IL17RA: variants seen among roughly 807,000 people sequenced by gnomAD.
IL17RA encodes the protein interleukin 17 receptor A.
IL17RA carries 34 observed loss-of-function variants against 50.4 expected under a neutral mutation model. That is an observed-to-expected ratio of 0.67 (90% CI 0.51 to 0.90). The LOEUF is 0.90. IL17RA is among the 40% of genes least tolerant of loss of function. IL17RA has a pLI of 0.00. For synonymous variants in IL17RA, 585 were observed against 510.4 expected (o/e 1.15, Z -1.97); for missense variants, 1,276 against 1,169.8 (o/e 1.09, Z -1.32).
chr22:17,091,387 A>T (rs1351550480), intron 1 of IL17RA, among the ~76,000 whole-genome samples: 1 of 152,186 alleles, frequency 6.6e-6, no homozygotes, highest in African/African-American at 2.4e-5. Flanking sequence ...AAGAAAGTCA[A>T]TGTTATTGGC....
chr22:17,109,196 G>A lies in IL17RA; in HGVS notation c.1977G>A (p.Gln659=). Reference sequence around the variant, plus strand: ...AACCTCACCTGCAGCCCCGGGGTCAGCCAGCGCCGCAGCCCCTCCACACCC... The same window carrying A: ...AACCTCACCTGCAGCCCCGGGGTCAACCAGCGCCGCAGCCCCTCCACACCC... The part of the protein sequence containing the change: ...KLEPHLQPRG[Q]PAPQPLHTLV... Residue 659 remains glutamine (Q), a synonymous_variant, in exon 13 of 13, where the codon CAG becomes CAA. Transcript: ENST00000319363. 1.3e-6 allele frequency: 2 copies of A among 1,512,652 alleles called. No homozygotes were observed. The highest frequency in any genetic ancestry group is 4.0e-5 in the Admixed American group (2 of 49,560). 93.7% of individuals were successfully genotyped at this position (1,512,652 alleles called of 1,614,324 possible).
chr22:17,109,068 AT>A lies in IL17RA; in HGVS notation c.1850del (p.Ile617ThrfsTer2). On this transcript the variant is annotated frameshift_variant, in exon 13 of 13. Transcript: ENST00000319363. LOFTEE classifies it low-confidence loss of function (END_TRUNC). ...EEPLLPPGTG[I>X]VKRAPLVREP... ...GCCACTGCTGCCTCCGGGAACCGGCATCGTGAAGCGGGCGCCCCTGGTGCGC... is the reference window on the plus strand; with the variant it reads ...GCCACTGCTGCCTCCGGGAACCGGCACGTGAAGCGGGCGCCCCTGGTGCGC... 1 of 1,584,054 alleles carries A rather than the reference AT, an allele frequency of 6.3e-7. No individual in the cohort carries two copies. The highest frequency in any genetic ancestry group is 8.5e-7 in the Non-Finnish European group (1 of 1,173,456).
At chr22:17,096,203 A>G (rs901020597) in intron 1 of IL17RA, among the ~76,000 whole-genome samples, 1 of 152,200 alleles carries the variant, frequency 6.6e-6, no homozygotes, top group Non-Finnish European at 1.5e-5. Context: ...AAATTTGGCC[A>G]TCAGGATTTC....
Position 17,111,059 on chromosome 22 carries a change from CAGTG to C in IL17RA, c.*1242_*1245del, listed in dbSNP as rs1477092369. ...GGAGCCTGGAGGGGAAGGAGGGAGG[CAGTG>C]AGAGAGATCGGGGTGGGGGGTGGGG... On this transcript the variant is annotated 3_prime_UTR_variant, in exon 13 of 13. Transcript: ENST00000319363. 1 of 114,564 alleles carries C rather than the reference CAGTG, an allele frequency of 8.7e-6. No individual in the cohort carries two copies. Among genetic ancestry groups the C allele is most frequent in the African/African-American group, 3.5e-5 (1 of 28,638 alleles). The allele number at this position is 114,564 out of a possible 1,614,324, so 7.1% of individuals were successfully genotyped here.
chr22:17,105,503 G>T, intron 9 of IL17RA, 88 bp from the exon 10 acceptor site: 1 of 1,298,820 alleles, frequency 7.7e-7, no homozygotes, highest in Non-Finnish European at 1.1e-6. Context: ...CATCATTAAA[G>T]CCCTCAAGGG....
In IL17RA at chr22:17,087,900, G is replaced by A. The variant is rs41339944; in HGVS notation, c.138+2671G>A. Among the ~76,000 whole-genome samples the A allele has an allele frequency of 3.4e-3, 513 of 152,278 alleles. 1 individual carries two copies. The highest frequency in any genetic ancestry group is 0.024 in the Middle Eastern group (7 of 294). ...AGAGTCTTTTTTCCTGAGCGTTTGC[G>A]GTTTTGACTTGTGGTTGTAGAACAG... On this transcript the variant is annotated intron_variant, in intron 1 of 12. Coordinates refer to ENST00000319363, the MANE Select transcript of IL17RA (RefSeq NM_014339.7).
Position 17,109,550 on chromosome 22 carries a change from C to G in IL17RA, c.2331C>G (p.Asp777Glu), listed in dbSNP as rs780922627. 1 of 1,599,774 alleles carries G rather than the reference C, an allele frequency of 6.3e-7. No individual in the cohort carries two copies. The highest frequency in any genetic ancestry group is 1.1e-5 in the South Asian group (1 of 89,248). Residue 777 changes from aspartate to glutamate, a missense_variant, in exon 13 of 13, where the codon GAC becomes GAG. Coordinates refer to ENST00000319363, the MANE Select transcript of IL17RA (RefSeq NM_014339.7). ...GTAGACCCGCCATGGTCCTCACAGA[C>G]CCACACACGCCCTACGAGGAGGAGC... is the stretch of plus-strand genomic sequence containing the variant. The part of the protein sequence containing the change: ...GCSRPAMVLT[D>E]PHTPYEEEQR...
Position 17,085,191 on chromosome 22 carries a change from C to A in IL17RA, c.100C>A (p.Arg34=), listed in dbSNP as rs1387278734. The part of the protein sequence containing the change: ...GVLAPGGASL[R]LLDHRALVCS... Reference sequence around the variant, plus strand: ...GCTGGCCCCGGGTGGCGCCTCCCTGCGACTCCTGGACCACCGGGCGCTGGT... The same window carrying A: ...GCTGGCCCCGGGTGGCGCCTCCCTGAGACTCCTGGACCACCGGGCGCTGGT... The change falls in exon 1 of 13, where the codon CGA becomes AGA. Residue 34 remains arginine (R), a synonymous_variant. Coordinates refer to ENST00000319363, the MANE Select transcript of IL17RA (RefSeq NM_014339.7). The A allele has an allele frequency of 3.3e-6, 5 of 1,528,200 alleles. No individual in the cohort carries two copies. The Admixed American group carries it at 6.0e-5, about 18-fold the overall frequency. 94.7% of individuals were successfully genotyped at this position (1,528,200 alleles called of 1,614,324 possible).
Position 17,112,735 on chromosome 22 carries a change from G to A in IL17RA, c.*2915G>A, listed in dbSNP as rs1204007159. 3 of 152,118 alleles carry A rather than the reference G, an allele frequency of 2.0e-5. No homozygotes were observed. The highest frequency in any genetic ancestry group is 7.2e-5 in the African/African-American group (3 of 41,416). The allele number at this position is 152,118 out of a possible 1,614,324, so 9.4% of individuals were successfully genotyped here. Reference sequence around the variant, plus strand: ...TAAATAAAGCCACACCTTTATTTTTGTATTATTCTGAACCATGGCTAATAA... The same window carrying A: ...TAAATAAAGCCACACCTTTATTTTTATATTATTCTGAACCATGGCTAATAA... On this transcript the variant is annotated 3_prime_UTR_variant, in exon 13 of 13. Coordinates refer to ENST00000319363, the MANE Select transcript of IL17RA (RefSeq NM_014339.7).
intron 10 of IL17RA, 115 bp downstream of exon 10, chr22:17,105,717 G>GC (rs775810928): frequency 1.2e-4 from 168 of 1,354,196 alleles, no homozygotes; most frequent in Admixed American, 7.8e-4. Flanking sequence ...GGCCAGCCCG[G>GC]GGTGGGGGGT....
chr22:17,087,914 G>A (rs2061334086), intron 1 of IL17RA, among the ~76,000 whole-genome samples: 2 of 152,304 alleles, frequency 1.3e-5, no homozygotes, highest in South Asian at 4.1e-4. Flanking sequence ...TTGACTTGTG[G>A]TTGTAGAACA....
intron 5 of IL17RA, among the ~76,000 whole-genome samples, chr22:17,101,254 A>G (rs1366124658): frequency 6.6e-6 from 1 of 152,134 alleles, no homozygotes; most frequent in Non-Finnish European, 1.5e-5. Flanking sequence ...GCCCATTTTT[A>G]TAATCTCCAG....
intron 12 of IL17RA, 128 bp downstream of exon 12, chr22:17,107,896 C>T (rs1046736370): frequency 1.2e-6 from 1 of 813,734 alleles, no homozygotes; most frequent in Non-Finnish European, 2.1e-6. Context: ...CCTTAGAAAC[C>T]CCCTTCCAGT....
At chr22:17,105,724 G>GTGT (rs200937197) in intron 10 of IL17RA, 122 bp downstream of exon 10, 2 of 1,386,574 alleles carry the variant, frequency 1.4e-6, no homozygotes, top group Admixed American at 1.7e-5. Context: ...CCGGGGTGGG[G>GTGT]GGTGAGACCA....
rs1188416715 is a variant in IL17RA at position 17,094,691 on chromosome 22, C to CTATATATATA, written c.139-2353_139-2344dup. Among the ~76,000 whole-genome samples, 27 of 24,694 alleles carry CTATATATATA rather than the reference C, an allele frequency of 1.1e-3. 1 individual carries two copies. The highest frequency in any genetic ancestry group is 2.1e-3 in the East Asian group (2 of 974). 16.2% of individuals were successfully genotyped at this position (24,694 alleles called of 152,430 possible). A position where few individuals can be genotyped will look rare whatever the true frequency, so the allele number is the denominator to read the frequency against. On this transcript the variant is annotated intron_variant, in intron 1 of 12. Transcript: ENST00000319363. ...TCTCTCTCTCTCTCTCTCTCTCTCT[C>CTATATATATA]TATATATATATATATATATATATAT... is the stretch of plus-strand genomic sequence containing the variant.
chr22:17,115,150 T>C lies in IL17RA; in HGVS notation c.*5330T>C, dbSNP rs2061462311. 6.6e-6 allele frequency: 1 copy of C among 152,242 alleles called. No homozygotes were observed. The highest frequency in any genetic ancestry group is 2.1e-4 in the South Asian group (1 of 4,832). 9.4% of individuals were successfully genotyped at this position (152,242 alleles called of 1,614,324 possible). ...CAAAATCGGTGAGCGCCAGCTTGCT[T>C]CCCTAGAAGACATTTCTAAATATTC... On this transcript the variant is annotated 3_prime_UTR_variant, in exon 13 of 13. Coordinates refer to ENST00000319363, the MANE Select transcript of IL17RA (RefSeq NM_014339.7).
At chr22:17,085,710 C>T (rs1157509809) in intron 1 of IL17RA, among the ~76,000 whole-genome samples, 2 of 152,198 alleles carry the variant, frequency 1.3e-5, no homozygotes, top group East Asian at 3.9e-4. Context: ...GCCCATCGCG[C>T]CCTCGGGAGC....
intron 1 of IL17RA, among the ~76,000 whole-genome samples, chr22:17,092,011 G>A (rs554061439): frequency 1.3e-5 from 2 of 152,304 alleles, no homozygotes; most frequent in East Asian, 3.9e-4. Flanking sequence ...CAGGATGGGG[G>A]CTGGTCCCGG....
chr22:17,102,187 A>G lies in IL17RA; in HGVS notation c.647A>G (p.Gln216Arg). ...NITVETLEAH[Q>R]LRVSFTLWNE... ...ACCGTGGAGACCCTGGAGGCCCACC[A>G]GCTGCGTGTGAGCTTCACCCTGTGG... The change falls in exon 7 of 13, where the codon CAG (glutamine) becomes CGG (arginine). Residue 216 changes from glutamine (Q) to arginine (R), a missense_variant. Transcript: ENST00000319363. 6.2e-7 allele frequency: 1 copy of G among 1,614,192 alleles called. No homozygotes were observed. The highest frequency in any genetic ancestry group is 8.5e-7 in the Non-Finnish European group (1 of 1,180,028).
Sources: gnomAD v4.1 joint callset for allele counts (sites outside exome capture counted in the v4.1 genomes callset) on GRCh38, gnomAD v4.1.1 for gene constraint, MANE v1.5 for transcripts, NCBI Gene and HGNC (gene_info 2026-07-23, HGNC 2026-07-21) for gene names.